NOVA1: variants seen among roughly 807,000 people sequenced by gnomAD.
NOVA1 encodes RNA-binding protein Nova-1.
NOVA1 carries 7 observed loss-of-function variants against 38.0 expected under a neutral mutation model. The ratio of observed to expected loss-of-function variants is 0.18; its 90% CI spans 0.10 to 0.35. NOVA1 has a LOEUF of 0.35. Among genes scored for constraint, NOVA1 ranks in the 10% least tolerant of loss-of-function variants. NOVA1 has a pLI of 1.00. For synonymous variants in NOVA1, 270 were observed against 232.5 expected (o/e 1.16, Z -1.47); for missense variants, 460 against 616.0 (o/e 0.75, Z 2.68).
At chr14:26,457,788 A>G (rs2138594033) in intron 4 of NOVA1, among the ~76,000 whole-genome samples, 2 of 152,292 alleles carry the variant, frequency 1.3e-5, no homozygotes, top group Non-Finnish European at 1.5e-5. Context: ...TTGTCATCAC[A>G]GGAGAGGATA....
intron 2 of NOVA1, among the ~76,000 whole-genome samples, chr14:26,535,728 T>C (rs1172663982): frequency 1.3e-5 from 2 of 151,288 alleles, no homozygotes; most frequent in East Asian, 3.9e-4. Flanking sequence ...GAGGGCGAGA[T>C]GGGCAGATCA....
intron 2 of NOVA1, among the ~76,000 whole-genome samples, chr14:26,512,520 T>C (rs1462952351): frequency 6.6e-6 from 1 of 152,164 alleles, no homozygotes; most frequent in East Asian, 1.9e-4. Context: ...AAAACATCTG[T>C]GACTTCAATT....
chr14:26,523,871 C>A (rs1889090911), intron 2 of NOVA1, among the ~76,000 whole-genome samples: 1 of 151,864 alleles, frequency 6.6e-6, no homozygotes, highest in Non-Finnish European at 1.5e-5. Flanking sequence ...CTGCCTCAGC[C>A]TCCTGAGTAG....
rs573839830 is a variant in NOVA1, at chr14:26,536,082, T to C, written c.281-55939A>G. Among the ~76,000 whole-genome samples, 44 of 151,924 alleles carry C rather than the reference T, an allele frequency of 2.9e-4. No homozygotes were observed. The South Asian group carries it at 9.1e-3, about 32-fold the overall frequency. ...GTAACATGGCTGGAACTGGAGATGA[T>C]TATGTTAAGTGAAATAAGACAGGCA... is the stretch of plus-strand genomic sequence containing the variant. On this transcript the variant is annotated intron_variant, in intron 2 of 4. Coordinates refer to ENST00000539517, the MANE Select transcript of NOVA1 (RefSeq NM_002515.3).
At chr14:26,575,008 T>C (rs1047947474) in intron 2 of NOVA1, among the ~76,000 whole-genome samples, 13 of 152,180 alleles carry the variant, frequency 8.5e-5, no homozygotes, top group African/African-American at 3.1e-4. Context: ...TGGGATATCT[T>C]CTAGGTAAAT....
intron 2 of NOVA1, among the ~76,000 whole-genome samples, chr14:26,567,558 A>G (rs187817857): frequency 2.7e-4 from 41 of 152,140 alleles, no homozygotes; most frequent in Middle Eastern, 3.4e-3. Context: ...AAGCTCTCAA[A>G]TTGCTGGAAT....
At chr14:26,535,037 C>A (rs1329382524) in intron 2 of NOVA1, among the ~76,000 whole-genome samples, 1 of 152,084 alleles carries the variant, frequency 6.6e-6, no homozygotes, top group East Asian at 1.9e-4. Context: ...TATTTTAGGA[C>A]ACAAAATTAA....
intron 2 of NOVA1, among the ~76,000 whole-genome samples, chr14:26,523,042 C>T (rs1889015372): frequency 6.6e-6 from 1 of 152,094 alleles, no homozygotes; most frequent in African/African-American, 2.4e-5. Flanking sequence ...TAGAAGTTTT[C>T]CCTCAGTCAC....
intron 2 of NOVA1, among the ~76,000 whole-genome samples, chr14:26,523,942 G>A (rs1889106573): frequency 6.6e-6 from 1 of 151,912 alleles, no homozygotes; most frequent in South Asian, 2.1e-4. Context: ...TAGTAGTGAC[G>A]GGGTTTCACC....
chr14:26,472,962 A>C (rs537952646), intron 3 of NOVA1, among the ~76,000 whole-genome samples: 1 of 152,092 alleles, frequency 6.6e-6, no homozygotes, highest in South Asian at 2.1e-4. Context: ...TTATCTTCTA[A>C]AATATTAATT....
chr14:26,456,381 G>A (rs1209410321), intron 4 of NOVA1, among the ~76,000 whole-genome samples: 1 of 151,898 alleles, frequency 6.6e-6, no homozygotes, highest in Non-Finnish European at 1.5e-5. Flanking sequence ...GAGGCCAGGG[G>A]AAACGTGGGA....
chr14:26,589,905 C>G (rs1392522817), intron 2 of NOVA1, among the ~76,000 whole-genome samples: 1 of 151,628 alleles, frequency 6.6e-6, no homozygotes, highest in Non-Finnish European at 1.5e-5. Context: ...TTTCATCAAC[C>G]CAAGCATCAG....
chr14:26,518,364 T>G (rs1276888719), intron 2 of NOVA1, among the ~76,000 whole-genome samples: 2 of 152,026 alleles, frequency 1.3e-5, no homozygotes, highest in African/African-American at 4.8e-5. Flanking sequence ...TTTAAAAGTA[T>G]TGCCATTATT....
intron 2 of NOVA1, among the ~76,000 whole-genome samples, chr14:26,525,793 T>C (rs899024120): frequency 1.3e-5 from 2 of 152,062 alleles, no homozygotes; most frequent in Admixed American, 6.6e-5. Flanking sequence ...GCATTGTTTC[T>C]CCAGTATTTT....
At chr14:26,528,536 G>T (rs1046638182) in intron 2 of NOVA1, among the ~76,000 whole-genome samples, 1 of 152,116 alleles carries the variant, frequency 6.6e-6, no homozygotes, top group Non-Finnish European at 1.5e-5. Context: ...ATGGCTATGG[G>T]AAGACAGTAA....
In NOVA1 at chr14:26,448,783, C is replaced by G; in HGVS notation, c.700G>C (p.Val234Leu). 1 of 1,614,134 alleles carries G rather than the reference C, an allele frequency of 6.2e-7. No homozygotes were observed. The highest frequency in any genetic ancestry group is 8.5e-7 in the Non-Finnish European group (1 of 1,180,030). Residue 234 changes from valine to leucine, a missense_variant, in exon 5 of 5, where the codon GTT (valine) becomes CTT (leucine). Transcript: ENST00000539517. This position sits in a 1 kb window ranked among gnomAD's most constrained non-coding sequence, Gnocchi z 5.3. Reference sequence around the variant, plus strand: ...TGTATCTTCTGGATGATAAGTTCAACAGCTTTTCGGTTTTGTTCAGGTTCT... The same window carrying G: ...TGTATCTTCTGGATGATAAGTTCAAGAGCTTTTCGGTTTTGTTCAGGTTCT... ...SGEPEQNRKA[V>L]ELIIQKIQED...
chr14:26,453,619 T>C (rs1000927409), intron 4 of NOVA1, among the ~76,000 whole-genome samples: 6 of 152,160 alleles, frequency 3.9e-5, no homozygotes, highest in Non-Finnish European at 8.8e-5. Context: ...GATATGTTTC[T>C]AATTAAAAAC....
chr14:26,572,982 T>C (rs952700136), intron 2 of NOVA1, among the ~76,000 whole-genome samples: 1 of 152,092 alleles, frequency 6.6e-6, no homozygotes, highest in Admixed American at 6.6e-5. Flanking sequence ...AGTTTTGAGC[T>C]GAACATATGA....
intron 2 of NOVA1, among the ~76,000 whole-genome samples, chr14:26,527,332 G>C (rs887702624): frequency 1.3e-5 from 2 of 152,004 alleles, no homozygotes; most frequent in Non-Finnish European, 2.9e-5. Flanking sequence ...TCTTGTTCAT[G>C]ATTCATGTTG....
Sources: gnomAD v4.1 joint callset for allele counts (sites outside exome capture counted in the v4.1 genomes callset) on GRCh38, gnomAD v4.1.1 for gene constraint, Gnocchi (gnomAD v3.1) non-coding constraint, MANE v1.5 for transcripts, NCBI Gene and HGNC (gene_info 2026-07-23, HGNC 2026-07-21) for gene names.